LAMA2: variants seen among roughly 807,000 people sequenced by gnomAD.
The protein encoded by LAMA2 is laminin subunit alpha 2, also known as laminin subunit alpha-2.
Under a neutral mutation model 364.8 loss-of-function variants are expected in LAMA2, and 269 were observed. That is an observed-to-expected ratio of 0.74 (90% CI 0.67 to 0.82). LAMA2 has a LOEUF of 0.82. Ranked by LOEUF, LAMA2 falls within the 40% of genes least tolerant of loss-of-function variation. LAMA2 has a pLI of 0.00. For synonymous variants in LAMA2, 1,379 were observed against 1,370.6 expected, an observed-to-expected ratio of 1.01 and a Z score of -0.14; for missense variants, 3,807 against 3,873.2, an observed-to-expected ratio of 0.98 and a Z score of 0.45.
At chr6:128,896,920 T>G (rs1401763881) in intron 1 of LAMA2, among the ~76,000 whole-genome samples, 1 of 152,232 alleles carries the variant, frequency 6.6e-6, no homozygotes, top group Non-Finnish European at 1.5e-5. Context: ...GAAATAAAAC[T>G]AGTTAACATC....
chr6:129,040,942 C>T (rs939827806), intron 1 of LAMA2, among the ~76,000 whole-genome samples: 2 of 152,138 alleles, frequency 1.3e-5, no homozygotes, highest in Admixed American at 6.5e-5. Flanking sequence ...AGGGATGATG[C>T]AGGAGGTGAT....
intron 4 of LAMA2, among the ~76,000 whole-genome samples, chr6:129,101,938 CTCT>C (rs1158836492): frequency 6.6e-6 from 1 of 152,070 alleles, no homozygotes; most frequent in African/African-American, 2.4e-5. Flanking sequence ...ATTTTAAACT[CTCT>C]TCTTTAGTTT....
chr6:129,053,213 G>A (rs879842889), intron 2 of LAMA2, among the ~76,000 whole-genome samples: 1 of 152,184 alleles, frequency 6.6e-6, no homozygotes, highest in African/African-American at 2.4e-5. Flanking sequence ...TGAGAGGCAT[G>A]CGCCACCATG....
In LAMA2 at chr6:129,445,700, A is replaced by G. The variant is rs773077537; in HGVS notation, c.6308A>G (p.Glu2103Gly). ...ADADATVKNL[E>G]QEADRLIDKL... ...GCAGATGCCACTGTCAAAAATTTAG[A>G]ACAGGAAGCTGACCGGCTAATAGAT... The change falls in exon 45 of 65, where the codon GAA becomes GGA. Residue 2103 changes from glutamate to glycine, a missense_variant. By Grantham distance (98) the Glu-to-Gly change is moderately conservative. Around this residue, in one of 3 missense-constraint regions of LAMA2, gnomAD observed 3,333 missense variants for 3,345.7 expected, o/e 1.00. Coordinates refer to ENST00000421865, the MANE Select transcript of LAMA2 (RefSeq NM_000426.4). 11 of 1,613,902 alleles carry G rather than the reference A, an allele frequency of 6.8e-6. No homozygotes were observed. The highest frequency in any genetic ancestry group is 9.3e-6 in the Non-Finnish European group (11 of 1,179,936).
At chr6:129,062,470 G>A (rs1250870386) in intron 3 of LAMA2, among the ~76,000 whole-genome samples, 1 of 152,038 alleles carries the variant, frequency 6.6e-6, no homozygotes, top group Non-Finnish European at 1.5e-5. Flanking sequence ...TGTAGTTCAG[G>A]TTCAAGAAAT....
chr6:129,058,497 T>C (rs1030968471), intron 2 of LAMA2, among the ~76,000 whole-genome samples: 4 of 152,212 alleles, frequency 2.6e-5, no homozygotes, highest in Admixed American at 2.0e-4. Flanking sequence ...GGAAGATCTG[T>C]GGTTTTTGGT....
In LAMA2 at chr6:129,502,759, A is replaced by G; in HGVS notation, c.8345A>G (p.Lys2782Arg). Reference sequence around the variant, plus strand: ...ATTGCAATTGCATTTGATGACACCAAAGTTAAAAACCGGTATGTATCATCC... The same window carrying G: ...ATTGCAATTGCATTTGATGACACCAGAGTTAAAAACCGGTATGTATCATCC... Reference protein sequence around the residue: ...SHIAIAFDDTKVKNRLTIELE... With the variant: ...SHIAIAFDDTRVKNRLTIELE... The change falls in exon 59 of 65, where the codon AAA (lysine) becomes AGA (arginine). Residue 2782 changes from lysine (K) to arginine (R), a missense_variant. Physicochemically the swap from Lys to Arg is conservative, Grantham distance 26. Coordinates refer to ENST00000421865, the MANE Select transcript of LAMA2 (RefSeq NM_000426.4). The G allele has an allele frequency of 6.2e-7, 1 of 1,609,508 alleles. No individual in the cohort carries two copies. The highest frequency in any genetic ancestry group is 1.1e-5 in the South Asian group (1 of 90,998).
chr6:129,197,579 T>C (rs1781926787), intron 12 of LAMA2, among the ~76,000 whole-genome samples: 1 of 152,200 alleles, frequency 6.6e-6, no homozygotes, highest in African/African-American at 2.4e-5. Flanking sequence ...CCCTAAAATA[T>C]ATAACGCCAA....
chr6:129,280,909 C>G (rs1454841837), intron 18 of LAMA2, among the ~76,000 whole-genome samples: 1 of 152,146 alleles, frequency 6.6e-6, no homozygotes, highest in Non-Finnish European at 1.5e-5. Context: ...AAGTGACCTA[C>G]TTTCACTCAT....
At chr6:129,229,916 C>T (rs1215163699) in intron 12 of LAMA2, among the ~76,000 whole-genome samples, 2 of 151,968 alleles carry the variant, frequency 1.3e-5, no homozygotes, top group Admixed American at 1.3e-4. Context: ...GTTAGAGATG[C>T]CTATTATATA....
At chr6:129,009,950 C>G (rs545285712) in intron 1 of LAMA2, among the ~76,000 whole-genome samples, 1 of 152,188 alleles carries the variant, frequency 6.6e-6, no homozygotes, top group South Asian at 2.1e-4. Context: ...TCCAGTTGTT[C>G]TGCTTGTCTG....
At chr6:128,887,167 G>A (rs925711705) in intron 1 of LAMA2, among the ~76,000 whole-genome samples, 3 of 152,158 alleles carry the variant, frequency 2.0e-5, no homozygotes, top group Non-Finnish European at 2.9e-5. Context: ...CCACATCATC[G>A]TCAATTGCAC....
At chr6:129,208,937 G>A (rs918840191) in intron 12 of LAMA2, among the ~76,000 whole-genome samples, 1 of 152,126 alleles carries the variant, frequency 6.6e-6, no homozygotes, top group Non-Finnish European at 1.5e-5. Context: ...GACAGTAAAT[G>A]GCTTTTCTTT....
intron 22 of LAMA2, among the ~76,000 whole-genome samples, chr6:129,303,168 A>G (rs575827721): frequency 6.6e-6 from 1 of 152,254 alleles, no homozygotes; most frequent in African/African-American, 2.4e-5. Context: ...CAAGCTTTGC[A>G]TATATATTGT....
Position 129,177,822 on chromosome 6 carries a change from G to C in LAMA2, c.1423G>C (p.Gly475Arg). Residue 475 changes from glycine (G) to arginine (R), a missense_variant, in exon 10 of 65, where the codon GGG becomes CGG. By Grantham distance (125) the Gly-to-Arg change is moderately radical. Around this residue, in one of 3 missense-constraint regions of LAMA2, gnomAD observed 3,333 missense variants for 3,345.7 expected, o/e 1.00. Transcript: ENST00000421865. The part of the protein sequence containing the change: ...DCKACNCSGL[G>R]SKNEDPCFGP... ...CAAAGCCTGTAACTGCAGTGGGTTA[G>C]GGAGCAAAAATGAGGATCCTTGTTT... 6.2e-7 allele frequency: 1 copy of C among 1,613,954 alleles called. No individual in the cohort carries two copies. The highest frequency in any genetic ancestry group is 8.5e-7 in the Non-Finnish European group (1 of 1,179,932).
At chr6:129,223,872 T>C (rs959504950) in intron 12 of LAMA2, among the ~76,000 whole-genome samples, 21 of 152,256 alleles carry the variant, frequency 1.4e-4, no homozygotes, top group African/African-American at 5.1e-4. Context: ...TTTTTTCCAA[T>C]TCTGTGAAGA....
intron 1 of LAMA2, among the ~76,000 whole-genome samples, chr6:128,998,514 A>C (rs1784150479): frequency 9.2e-6 from 1 of 109,006 alleles, no homozygotes; most frequent in Non-Finnish European, 1.8e-5. Flanking sequence ...GGAGTGCCAG[A>C]CAGTGGGCGC....
intron 62 of LAMA2, 93 bp from the exon 63 acceptor site, chr6:129,512,270 A>G: frequency 8.0e-7 from 1 of 1,250,162 alleles, no homozygotes; most frequent in Non-Finnish European, 1.1e-6. Flanking sequence ...TAGCATTTGA[A>G]TTGAAATATA....
At chr6:128,931,822 C>T (rs1050175418) in intron 1 of LAMA2, among the ~76,000 whole-genome samples, 2 of 152,188 alleles carry the variant, frequency 1.3e-5, no homozygotes, top group Non-Finnish European at 2.9e-5. Flanking sequence ...ATAAAAATTA[C>T]ATTACAGAAT....
Sources: gnomAD v4.1 joint callset for allele counts (sites outside exome capture counted in the v4.1 genomes callset) on GRCh38, gnomAD v4.1.1 for gene constraint, gnomAD v4.1.1 regional missense constraint, MANE v1.5 for transcripts, NCBI Gene and HGNC (gene_info 2026-07-23, HGNC 2026-07-21) for gene names.